PCDHGB4: variants seen among roughly 807,000 people sequenced by gnomAD.
PCDHGB4 encodes protocadherin gamma-B4.
A neutral mutation model predicts 60.5 loss-of-function variants in PCDHGB4; 38 were observed. The ratio of observed to expected loss-of-function variants is 0.63; its 90% CI spans 0.48 to 0.82. The LOEUF (loss-of-function observed/expected upper bound fraction) is 0.82, where lower values mean the gene tolerates loss of function less well. Ranked by LOEUF, PCDHGB4 falls within the 40% of genes least tolerant of loss-of-function variation. The pLI is 0.00. For missense variants in PCDHGB4, 1,109 were observed against 1,209.6 expected (o/e 0.92, Z 1.23); for synonymous variants, 456 against 509.7 (o/e 0.89, Z 1.42).
intron 1 of PCDHGB4, among the ~76,000 whole-genome samples, chr5:141,435,303 A>G (rs2097757060): frequency 6.6e-6 from 1 of 152,192 alleles, no homozygotes; most frequent in Admixed American, 6.5e-5. Flanking sequence ...TCATGGTTTT[A>G]AATCATTCAT....
chr5:141,421,400 G>A (rs2096569762), intron 1 of PCDHGB4: 1 of 1,614,060 alleles, frequency 6.2e-7, no homozygotes, highest in Non-Finnish European at 8.5e-7. Context: ...CTGGAGCCCC[G>A]GGAGCTGGCG....
chr5:141,410,628 T>G (rs758174899), intron 1 of PCDHGB4: 1 of 1,602,040 alleles, frequency 6.2e-7, no homozygotes, highest in South Asian at 1.1e-5. Context: ...TCGGTGAGTT[T>G]CTCTTTTTTG....
At chr5:141,459,763 G>A (rs1243169814) in intron 1 of PCDHGB4, among the ~76,000 whole-genome samples, 1 of 152,206 alleles carries the variant, frequency 6.6e-6, no homozygotes, top group South Asian at 2.1e-4. Context: ...GTGGGTGTGT[G>A]ATACTATCTC....
chr5:141,476,039 C>T lies in PCDHGB4; in HGVS notation c.2398-18768C>T. The T allele has an allele frequency of 1.3e-6, 2 of 1,484,358 alleles. No homozygotes were observed. The highest frequency in any genetic ancestry group is 1.8e-6 in the Non-Finnish European group (2 of 1,117,328). The allele number at this position is 1,484,358 out of a possible 1,614,324, so 91.9% of individuals were successfully genotyped here. On this transcript the variant is annotated intron_variant, in intron 1 of 3. Coordinates refer to ENST00000519479, the MANE Select transcript of PCDHGB4 (RefSeq NM_003736.4). The surrounding 1 kb of genome is among the most constrained non-coding windows in gnomAD (Gnocchi z 7.6). Reference sequence around the variant, plus strand: ...TCGGACTCGGCGCCCAGCGCCCAAGCGCTAACCCGCTGAAAGTTTCTCAGC... The same window carrying T: ...TCGGACTCGGCGCCCAGCGCCCAAGTGCTAACCCGCTGAAAGTTTCTCAGC...
chr5:141,405,279 C>G, intron 1 of PCDHGB4: 1 of 1,614,144 alleles, frequency 6.2e-7, no homozygotes, highest in Non-Finnish European at 8.5e-7. Flanking sequence ...CCCAACTATG[C>G]AGACACACTC....
chr5:141,422,869 T>A, intron 1 of PCDHGB4: 2 of 1,614,202 alleles, frequency 1.2e-6, no homozygotes, highest in Non-Finnish European at 1.7e-6. Context: ...CAGCAACGTG[T>A]CGCTGAGCCT....
In PCDHGB4 at chr5:141,391,294, C is replaced by T. The variant is rs1189563844; in HGVS notation, c.2397+1013C>T. On this transcript the variant is annotated intron_variant, in intron 1 of 3. Transcript: ENST00000519479. Reference sequence around the variant, plus strand: ...TTTACAAATTGCTGAAAGAAGGAAACGTCTTTCGATTCTTTTTTTTTTCTT... The same window carrying T: ...TTTACAAATTGCTGAAAGAAGGAAATGTCTTTCGATTCTTTTTTTTTTCTT... 5.9e-5 allele frequency: 9 copies of T among 151,668 alleles called. 2 individuals are homozygous for T. The highest frequency in any genetic ancestry group is 5.3e-4 in the Admixed American group (8 of 15,220). 9.4% of individuals were successfully genotyped at this position (151,668 alleles called of 1,614,324 possible).
In PCDHGB4 at chr5:141,431,468, G is replaced by C. The variant is rs756718016; in HGVS notation, c.2397+41187G>C. 4 of 1,613,804 alleles carry C rather than the reference G, an allele frequency of 2.5e-6. No homozygotes were observed. Among genetic ancestry groups the C allele is most frequent in the Non-Finnish European group, 3.4e-6 (4 of 1,179,964 alleles). On this transcript the variant is annotated intron_variant, in intron 1 of 3. Coordinates refer to ENST00000519479, the MANE Select transcript of PCDHGB4 (RefSeq NM_003736.4). The surrounding 1 kb of genome is among the most constrained non-coding windows in gnomAD (Gnocchi z 4.8). Reference sequence around the variant, plus strand: ...CCGCGTGATGGTTCTGGATGCGAACGACAACGCACCAGCGTTTGCTCAGCC... The same window carrying C: ...CCGCGTGATGGTTCTGGATGCGAACCACAACGCACCAGCGTTTGCTCAGCC...
At chr5:141,404,169 C>G in intron 1 of PCDHGB4, 4 of 1,612,736 alleles carry the variant, frequency 2.5e-6, no homozygotes, top group Non-Finnish European at 3.4e-6. Flanking sequence ...AGATTGTTGA[C>G]GGCCCAAATT....
At chr5:141,446,985 C>T (rs1411339328) in intron 1 of PCDHGB4, among the ~76,000 whole-genome samples, 1 of 152,064 alleles carries the variant, frequency 6.6e-6, no homozygotes, top group Non-Finnish European at 1.5e-5. Context: ...AATTCATACT[C>T]CACTCTTCAG....
chr5:141,504,474 G>A (rs903417314), intron 2 of PCDHGB4, among the ~76,000 whole-genome samples: 1 of 152,066 alleles, frequency 6.6e-6, no homozygotes, highest in African/African-American at 2.4e-5. Context: ...TGGGATGGGA[G>A]TACAGTGGAG....
At chr5:141,497,060 G>T (rs1244885752) in intron 2 of PCDHGB4, among the ~76,000 whole-genome samples, 1 of 151,952 alleles carries the variant, frequency 6.6e-6, no homozygotes, top group Non-Finnish European at 1.5e-5. Context: ...GTGGTGGCAG[G>T]CACCTGTAAT....
At chr5:141,470,599 C>T (rs967683467) in intron 1 of PCDHGB4, among the ~76,000 whole-genome samples, 12 of 152,194 alleles carry the variant, frequency 7.9e-5, no homozygotes, top group Non-Finnish European at 1.2e-4. Context: ...GCGACCTGTG[C>T]GGGGACACAG....
intron 1 of PCDHGB4, chr5:141,404,186 C>A (rs767632448): frequency 1.2e-6 from 2 of 1,612,966 alleles, no homozygotes; most frequent in Middle Eastern, 1.6e-4. Flanking sequence ...AATTCTTGAC[C>A]GAGAAAAAGC....
rs1310227506 is a variant in PCDHGB4, at chr5:141,432,214, CCAGATCACTTATTCCCTGG to C, written c.2397+41935_2397+41953del. ...ACGACCCCGACTGTGAAGAGAACGC[CCAGATCACTTATTCCCTGG>C]CTGAGAACACCATCCAAGGGGCAAG... is the stretch of plus-strand genomic sequence containing the variant. On this transcript the variant is annotated intron_variant, in intron 1 of 3. Transcript: ENST00000519479. This position sits in a 1 kb window ranked among gnomAD's most constrained non-coding sequence, Gnocchi z 6.0. 3.1e-6 allele frequency: 5 copies of C among 1,614,236 alleles called. No homozygotes were observed. The highest frequency in any genetic ancestry group is 4.2e-6 in the Non-Finnish European group (5 of 1,180,050).
rs2097536640 is a variant in PCDHGB4 at position 141,432,779 on chromosome 5, G to C, written c.2397+42498G>C. 3 of 1,614,170 alleles carry C rather than the reference G, an allele frequency of 1.9e-6. No individual in the cohort carries two copies. The highest frequency in any genetic ancestry group is 2.5e-6 in the Non-Finnish European group (3 of 1,180,002). On this transcript the variant is annotated intron_variant, in intron 1 of 3. Coordinates refer to ENST00000519479, the MANE Select transcript of PCDHGB4 (RefSeq NM_003736.4). The surrounding 1 kb of genome is among the most constrained non-coding windows in gnomAD (Gnocchi z 6.0). Reference sequence around the variant, plus strand: ...CGACAGCATCCCCCAAGTCCTGGCGGACCTCGGCAGCCTCGAGTCTCCAGC... The same window carrying C: ...CGACAGCATCCCCCAAGTCCTGGCGCACCTCGGCAGCCTCGAGTCTCCAGC...
intron 1 of PCDHGB4, chr5:141,421,469 G>C (rs767500900): frequency 2.5e-6 from 4 of 1,614,122 alleles, no homozygotes; most frequent in Non-Finnish European, 3.4e-6. Context: ...GTGAATCCGC[G>C]AAGCGGCAGC....
At chr5:141,418,646 A>C (rs986717136) in intron 1 of PCDHGB4, 2 of 1,614,010 alleles carry the variant, frequency 1.2e-6, no homozygotes, top group Admixed American at 3.3e-5. Context: ...CTCCATCCTG[A>C]GAGTGAAGGC....
chr5:141,413,446 G>T, intron 1 of PCDHGB4: 4 of 1,614,130 alleles, frequency 2.5e-6, no homozygotes, highest in Non-Finnish European at 3.4e-6. Context: ...CTTGATCACC[G>T]CGGGCAGGAT....
Sources: allele counts gnomAD v4.1 joint callset (sites outside exome capture counted in the v4.1 genomes callset), GRCh38; gene constraint gnomAD v4.1.1; non-coding constraint Gnocchi (gnomAD v3.1); transcripts MANE v1.5; gene names NCBI Gene and HGNC (gene_info 2026-07-23, HGNC 2026-07-21).